CEP126: variants seen among roughly 807,000 people sequenced by gnomAD.
CEP126 encodes centrosomal protein 126, also known as centrosomal protein of 126 kDa.
Under a neutral mutation model 107.8 loss-of-function variants are expected in CEP126, and 74 were observed. That is an observed-to-expected ratio of 0.69 (90% CI 0.57 to 0.83). CEP126 has a LOEUF of 0.83. Among genes scored for constraint, CEP126 ranks in the 40% least tolerant of loss-of-function variants. The probability of loss-of-function intolerance (pLI) is 0.00; values close to 1 mark genes in which losing one functional copy is unlikely to be tolerated. For missense variants in CEP126, 1,237 were observed against 1,281.9 expected (o/e 0.96, Z 0.53); for synonymous variants, 449 against 446.0 (o/e 1.01, Z -0.08).
chr11:101,956,463 C>T lies in CEP126; in HGVS notation c.507-1705C>T, dbSNP rs563781534. On this transcript the variant is annotated intron_variant, in intron 4 of 10. Transcript: ENST00000263468. ...ACAGCATTGTCAAATCAGCCCGAGGCCTTTGCAGATCATCCACCAGCCTCA... is the reference window on the plus strand; with the variant it reads ...ACAGCATTGTCAAATCAGCCCGAGGTCTTTGCAGATCATCCACCAGCCTCA... 2.8e-4 allele frequency: 127 copies of T among 456,530 alleles called. 1 individual carries two copies. Among genetic ancestry groups the T allele is most frequent in the Admixed American group, 1.4e-3 (58 of 42,572 alleles). 28.3% of individuals were successfully genotyped at this position (456,530 alleles called of 1,614,324 possible).
At chr11:101,919,499 G>GC (rs1940289576) in intron 1 of CEP126, among the ~76,000 whole-genome samples, 3 of 142,682 alleles carry the variant, frequency 2.1e-5, no homozygotes, top group Admixed American at 2.1e-4. Context: ...ATTTAGCAGT[G>GC]TTTTTTTTAT....
chr11:101,924,620 C>T (rs966554574), intron 2 of CEP126, among the ~76,000 whole-genome samples: 16 of 152,176 alleles, frequency 1.1e-4, no homozygotes, highest in African/African-American at 3.9e-4. Context: ...CACGCACCCC[C>T]GTGCCCGGCT....
At chr11:101,937,931 A>C (rs914748020) in intron 2 of CEP126, among the ~76,000 whole-genome samples, 8 of 151,616 alleles carry the variant, frequency 5.3e-5, no homozygotes, top group Non-Finnish European at 8.8e-5. Flanking sequence ...AGGCGGGTGG[A>C]TCATGAGGTC....
At chr11:101,932,656 T>C (rs1021791108) in intron 2 of CEP126, among the ~76,000 whole-genome samples, 18 of 152,148 alleles carry the variant, frequency 1.2e-4, no homozygotes, top group Admixed American at 1.2e-3. Context: ...GCACTTTTTT[T>C]CCCCATTTTT....
rs2137100433 is a variant in CEP126 at position 101,949,670 on chromosome 11, A to G, written c.506+1528A>G. Among the ~76,000 whole-genome samples the G allele has an allele frequency of 1.3e-5, 2 of 152,320 alleles. 1 individual carries two copies. Among genetic ancestry groups the G allele is most frequent in the East Asian group, 3.9e-4 (2 of 5,186 alleles). ...AAAAATAGTTTACAGAGATCAAATG[A>G]CTTCTAAAGAATCAGACACATAATG... On this transcript the variant is annotated intron_variant, in intron 4 of 10. Transcript: ENST00000263468.
At position 101,915,049 on chromosome 11, in the gene CEP126, CT is replaced by C; in HGVS notation, c.-235del. ...TGTCAAGATGGCGGCTGCAGGGTTG[CT>C]GCCGCCCCATCTGCTATTGCCCGGC... On this transcript the variant is annotated 5_prime_UTR_variant, in exon 1 of 11. An upstream open reading frame in the 5' UTR gains an earlier in-frame stop. Coordinates refer to ENST00000263468, the MANE Select transcript of CEP126 (RefSeq NM_020802.4). 2.0e-6 allele frequency: 1 copy of C among 497,262 alleles called. No individual in the cohort carries two copies. The highest frequency in any genetic ancestry group is 3.2e-5 in the East Asian group (1 of 31,012). 30.8% of individuals were successfully genotyped at this position (497,262 alleles called of 1,614,324 possible). A position where few individuals can be genotyped will look rare whatever the true frequency, so the allele number is the denominator to read the frequency against.
Position 101,998,600 on chromosome 11 carries a change from A to AAAAAAAAAAG in CEP126, c.*966_*967insGAAAAAAAAA. ...AGTGTGAGACCCAGCCTCAAAAAAA[A>AAAAAAAAAAG]AAAAAAAAAAGTGATGAATCAAAAT... is the stretch of plus-strand genomic sequence containing the variant. On this transcript the variant is annotated 3_prime_UTR_variant, in exon 11 of 11. Coordinates refer to ENST00000263468, the MANE Select transcript of CEP126 (RefSeq NM_020802.4). 6.6e-6 allele frequency: 1 copy of AAAAAAAAAAG among 150,952 alleles called. No individual in the cohort carries two copies. Among genetic ancestry groups the AAAAAAAAAAG allele is most frequent in the African/African-American group, 2.4e-5 (1 of 41,040 alleles). The allele number at this position is 150,952 out of a possible 1,614,324, so 9.4% of individuals were successfully genotyped here. A position where few individuals can be genotyped will look rare whatever the true frequency, so the allele number is the denominator to read the frequency against.
chr11:101,915,722 C>A (rs1366422941), intron 1 of CEP126, among the ~76,000 whole-genome samples: 1 of 152,132 alleles, frequency 6.6e-6, no homozygotes, highest in African/African-American at 2.4e-5. Context: ...CCATTATGTT[C>A]TTTACTTACA....
At chr11:101,928,674 G>A (rs1365751896) in intron 2 of CEP126, among the ~76,000 whole-genome samples, 1 of 151,988 alleles carries the variant, frequency 6.6e-6, no homozygotes, top group African/African-American at 2.4e-5. Flanking sequence ...AATTGTTTTT[G>A]CACCCTGTCA....
chr11:101,975,572 G>T (rs772563877), intron 6 of CEP126, among the ~76,000 whole-genome samples: 1 of 151,988 alleles, frequency 6.6e-6, no homozygotes, highest in Non-Finnish European at 1.5e-5. Context: ...TTTCTTTTTT[G>T]TTGTTGTTTC....
Position 101,962,018 on chromosome 11 carries a change from C to T in CEP126, c.983C>T (p.Ser328Leu). Residue 328 changes from serine to leucine, a missense_variant, in exon 6 of 11, where the codon TCA (serine) becomes TTA (leucine). Around this residue, in one of 3 missense-constraint regions of CEP126, gnomAD observed 1,134 missense variants for 1,150.5 expected, o/e 0.99. Transcript: ENST00000263468. Reference sequence around the variant, plus strand: ...AATACTCAGAATGTCACAGCTTTCTCAGATATTTTAAGTAAATCTAATGTT... The same window carrying T: ...AATACTCAGAATGTCACAGCTTTCTTAGATATTTTAAGTAAATCTAATGTT... ...ASNTQNVTAF[S>L]DILSKSNVLP... 1 of 1,613,026 alleles carries T rather than the reference C, an allele frequency of 6.2e-7. No individual in the cohort carries two copies. Among genetic ancestry groups the T allele is most frequent in the Non-Finnish European group, 8.5e-7 (1 of 1,179,464 alleles).
At chr11:101,966,962 A>T (rs1165121868) in intron 6 of CEP126, among the ~76,000 whole-genome samples, 4 of 148,112 alleles carry the variant, frequency 2.7e-5, no homozygotes, top group Non-Finnish European at 4.5e-5. Flanking sequence ...CTTCTACCCT[A>T]CTGGGCTTCT....
intron 2 of CEP126, among the ~76,000 whole-genome samples, chr11:101,929,912 C>G (rs2137084264): frequency 6.6e-6 from 1 of 150,444 alleles, no homozygotes; most frequent in African/African-American, 2.4e-5. Context: ...CCTAAGTTTT[C>G]TGTCTAGCTA....
At chr11:101,988,227 C>T (rs1941336932) in intron 9 of CEP126, among the ~76,000 whole-genome samples, 1 of 151,944 alleles carries the variant, frequency 6.6e-6, no homozygotes, top group Admixed American at 6.6e-5. Context: ...TGAAAAATGG[C>T]CCAAATAGAA....
At chr11:101,979,688 T>A (rs2137125633) in intron 7 of CEP126, among the ~76,000 whole-genome samples, 1 of 152,294 alleles carries the variant, frequency 6.6e-6, no homozygotes, top group South Asian at 2.1e-4. Context: ...CAGTAAGCTA[T>A]GACTGTGCCA....
In CEP126 at chr11:101,986,955, A is replaced by C. The variant is rs1251599547; in HGVS notation, c.3158A>C (p.Lys1053Thr). The C allele has an allele frequency of 6.2e-7, 1 of 1,613,746 alleles. No individual in the cohort carries two copies. Among genetic ancestry groups the C allele is most frequent in the Non-Finnish European group, 8.5e-7 (1 of 1,179,860 alleles). The stretch of plus-strand genomic sequence containing the variant: ...CAGAAATCAAATCTACCTTTAAATA[A>C]AACTCAACAATTCAACATCTGCACA... Reference protein sequence around the residue: ...QIQKSNLPLNKTQQFNICTLS... With the variant: ...QIQKSNLPLNTTQQFNICTLS... The change falls in exon 9 of 11, where the codon AAA becomes ACA. Residue 1053 changes from lysine (K) to threonine (T), a missense_variant. This residue lies in a region of CEP126 where 99 missense variants were observed against 114.4 expected (regional missense o/e 0.87). Transcript: ENST00000263468.
chr11:101,928,103 T>G (rs1458015105), intron 2 of CEP126, among the ~76,000 whole-genome samples: 1 of 152,236 alleles, frequency 6.6e-6, no homozygotes, highest in Non-Finnish European at 1.5e-5. Context: ...TTTTAACTTG[T>G]ATTTCCCTAA....
intron 6 of CEP126, among the ~76,000 whole-genome samples, chr11:101,969,867 T>G (rs1294546208): frequency 6.6e-6 from 1 of 152,188 alleles, no homozygotes; most frequent in African/African-American, 2.4e-5. Flanking sequence ...TTATAATTCA[T>G]CAATAGGATA....
intron 4 of CEP126, among the ~76,000 whole-genome samples, chr11:101,948,952 G>A (rs189564848): frequency 6.6e-6 from 1 of 152,172 alleles, no homozygotes; most frequent in East Asian, 1.9e-4. Context: ...ATATCTGTGG[G>A]CAACAGTTCC....
Sources: allele counts gnomAD v4.1 joint callset (sites outside exome capture counted in the v4.1 genomes callset), GRCh38; gene constraint gnomAD v4.1.1; regional missense constraint gnomAD v4.1.1; transcripts MANE v1.5; gene names NCBI Gene and HGNC (gene_info 2026-07-23, HGNC 2026-07-21).